The following GPR137C variants were observed in gnomAD, a reference collection of about 807,000 sequenced individuals.
GPR137C encodes integral membrane protein GPR137C.
GPR137C carries 27 observed loss-of-function variants against 43.4 expected under a neutral mutation model. That is an observed-to-expected ratio of 0.62 (90% CI 0.46 to 0.86). GPR137C has a LOEUF of 0.86. GPR137C is among the 40% of genes least tolerant of loss of function. The pLI is 0.00. For synonymous variants in GPR137C, 285 were observed against 226.9 expected (o/e 1.26, Z -2.30); for missense variants, 522 against 534.6 (o/e 0.98, Z 0.23).
Position 52,553,431 on chromosome 14 carries a change from T to A in GPR137C, c.284T>A (p.Leu95His). The A allele has an allele frequency of 6.2e-7, 1 of 1,609,026 alleles. No homozygotes were observed. The highest frequency in any genetic ancestry group is 8.5e-7 in the Non-Finnish European group (1 of 1,179,756). ...CLFLCLLWAA[L>H]RTTLFSAAFS... ...TTCCTCTGTCTCCTGTGGGCAGCGC[T>A]CAGGACCACCCTCTTCTCCGCCGCC... The change falls in exon 1 of 7, where the codon CTC (leucine) becomes CAC (histidine). Residue 95 changes from leucine to histidine, a missense_variant. Physicochemically the swap from Leu to His is moderately conservative, Grantham distance 99. Transcript: ENST00000321662.
intron 1 of GPR137C, among the ~76,000 whole-genome samples, chr14:52,566,735 C>A (rs1389586963): frequency 6.6e-6 from 1 of 152,208 alleles, no homozygotes; most frequent in Non-Finnish European, 1.5e-5. Flanking sequence ...TAGAATCAGT[C>A]ATGGTTAAAG....
chr14:52,628,782 G>C (rs2039260428), intron 3 of GPR137C, among the ~76,000 whole-genome samples: 1 of 152,078 alleles, frequency 6.6e-6, no homozygotes, highest in African/African-American at 2.4e-5. Context: ...GATGACAGAG[G>C]GAGACTGTCT....
chr14:52,592,398 A>G (rs891403865), intron 1 of GPR137C, among the ~76,000 whole-genome samples: 2 of 152,104 alleles, frequency 1.3e-5, no homozygotes, highest in African/African-American at 2.4e-5. Context: ...GGGGATAGCA[A>G]TGAATCTATA....
intron 4 of GPR137C, 49 bp from the exon 5 acceptor site, chr14:52,633,481 C>T (rs1280888527): frequency 1.3e-6 from 2 of 1,563,246 alleles, no homozygotes; most frequent in South Asian, 2.3e-5. Flanking sequence ...GAGGTGATTG[C>T]TTATACAATA....
chr14:52,610,717 A>G (rs2039029785), intron 3 of GPR137C, among the ~76,000 whole-genome samples: 1 of 152,224 alleles, frequency 6.6e-6, no homozygotes, highest in Non-Finnish European at 1.5e-5. Context: ...TTGAATAAAT[A>G]CATTCTATGC....
intron 1 of GPR137C, among the ~76,000 whole-genome samples, chr14:52,577,924 C>G (rs1240587953): frequency 1.3e-5 from 2 of 151,988 alleles, no homozygotes; most frequent in African/African-American, 4.8e-5. Context: ...GAGATCGTGC[C>G]ACTGCGTTCC....
chr14:52,619,770 A>G (rs2039139153), intron 3 of GPR137C, among the ~76,000 whole-genome samples: 1 of 152,124 alleles, frequency 6.6e-6, no homozygotes, highest in Non-Finnish European at 1.5e-5. Flanking sequence ...ATTGAGTTTC[A>G]TTGTGACTTA....
intron 1 of GPR137C, among the ~76,000 whole-genome samples, chr14:52,595,559 T>G (rs1249671934): frequency 6.6e-6 from 1 of 152,186 alleles, no homozygotes; most frequent in East Asian, 1.9e-4. Context: ...TCGCTCTGTT[T>G]TATTAATTTA....
intron 1 of GPR137C, among the ~76,000 whole-genome samples, chr14:52,576,149 A>G (rs778727744): frequency 2.6e-5 from 4 of 152,208 alleles, no homozygotes; most frequent in Non-Finnish European, 5.9e-5. Flanking sequence ...ATAAAGAAAG[A>G]CACTCTTATC....
intron 1 of GPR137C, among the ~76,000 whole-genome samples, chr14:52,578,722 G>A (rs1445440517): frequency 2.0e-5 from 3 of 152,046 alleles, no homozygotes; most frequent in Non-Finnish European, 4.4e-5. Context: ...GATCACCTGA[G>A]CACCTGAGAT....
intron 1 of GPR137C, among the ~76,000 whole-genome samples, chr14:52,557,859 T>G (rs1262782818): frequency 6.6e-6 from 1 of 152,236 alleles, no homozygotes; most frequent in Non-Finnish European, 1.5e-5. Flanking sequence ...CCATGAACTT[T>G]CCTGGATACA....
At chr14:52,556,485 C>T (rs1238455329) in intron 1 of GPR137C, among the ~76,000 whole-genome samples, 2 of 147,460 alleles carry the variant, frequency 1.4e-5, no homozygotes, top group African/African-American at 5.0e-5. Context: ...GTGTCTCATA[C>T]TTAACCTCCT....
Position 52,563,784 on chromosome 14 carries a change from A to G in GPR137C, c.444+10193A>G, listed in dbSNP as rs544451287. ...CTCCCTCATTACGCACATTCACTGC[A>G]TCACCAAATCCTGTTACCTCCTAAC... On this transcript the variant is annotated intron_variant, in intron 1 of 6. Coordinates refer to ENST00000321662, the MANE Select transcript of GPR137C (RefSeq NM_001099652.2). 2.3e-3 allele frequency among the ~76,000 whole-genome samples: 349 copies of G among 152,288 alleles called. 3 individuals carry two copies. The highest frequency in any genetic ancestry group is 4.3e-3 in the Non-Finnish European group (292 of 68,020).
At chr14:52,620,223 T>G (rs954040183) in intron 3 of GPR137C, among the ~76,000 whole-genome samples, 1 of 152,042 alleles carries the variant, frequency 6.6e-6, no homozygotes, top group African/African-American at 2.4e-5. Context: ...CTACTGCAGA[T>G]GTAAAGTGAG....
intron 3 of GPR137C, among the ~76,000 whole-genome samples, chr14:52,611,191 T>G (rs775006328): frequency 3.3e-5 from 5 of 152,120 alleles, no homozygotes; most frequent in Non-Finnish European, 7.4e-5. Context: ...TATCTAATTG[T>G]TATGCATTTA....
intron 1 of GPR137C, among the ~76,000 whole-genome samples, chr14:52,582,090 C>A (rs1318423474): frequency 1.3e-5 from 2 of 152,156 alleles, no homozygotes; most frequent in African/African-American, 4.8e-5. Context: ...TCTCACCATT[C>A]TGGAGGCTGG....
intron 1 of GPR137C, among the ~76,000 whole-genome samples, chr14:52,554,355 T>C (rs969151168): frequency 5.3e-5 from 8 of 152,234 alleles, no homozygotes; most frequent in African/African-American, 1.4e-4. Flanking sequence ...CCAAACTGTT[T>C]TTGCAATAAC....
At chr14:52,618,782 A>G (rs2039127570) in intron 3 of GPR137C, among the ~76,000 whole-genome samples, 2 of 152,166 alleles carry the variant, frequency 1.3e-5, no homozygotes, top group African/African-American at 4.8e-5. Context: ...TCAAAGGACA[A>G]AATAACTCGT....
chr14:52,573,993 G>T (rs1324572237), intron 1 of GPR137C, among the ~76,000 whole-genome samples: 1 of 152,160 alleles, frequency 6.6e-6, no homozygotes, highest in East Asian at 1.9e-4. Flanking sequence ...GGTCATTAGA[G>T]AAATGCAAAT....
Sources: allele counts gnomAD v4.1 joint callset (sites outside exome capture counted in the v4.1 genomes callset), GRCh38; gene constraint gnomAD v4.1.1; transcripts MANE v1.5; gene names NCBI Gene and HGNC (gene_info 2026-07-23, HGNC 2026-07-21).